RAB38: variants seen among roughly 807,000 people sequenced by gnomAD.
RAB38 encodes the protein ras-related protein Rab-38.
RAB38 carries 15 observed loss-of-function variants against 18.4 expected under a neutral mutation model. That is an observed-to-expected ratio of 0.82 (90% CI 0.55 to 1.26). The LOEUF is 1.26. RAB38 is among the 50% of genes most tolerant of loss of function. RAB38 has a pLI of 0.00. For synonymous variants in RAB38, 101 were observed against 104.4 expected, an observed-to-expected ratio of 0.97 and a Z score of 0.20; for missense variants, 294 against 267.4, an observed-to-expected ratio of 1.10 and a Z score of -0.69.
the RAB38 span, among the ~76,000 whole-genome samples, chr11:88,088,947 C>A: frequency 9.4e-5 from 14 of 148,892 alleles, no homozygotes; most frequent in East Asian, 2.0e-4. Flanking sequence ...CAGGAGCTGA[C>A]AAAAAAAAAA....
the RAB38 span, among the ~76,000 whole-genome samples, chr11:87,959,536 T>C: frequency 6.6e-6 from 1 of 152,236 alleles, no homozygotes; most frequent in Non-Finnish European, 1.5e-5. Flanking sequence ...TATAAGTATC[T>C]ATTTTACTAG....
At chr11:87,941,122 G>A in the RAB38 span, among the ~76,000 whole-genome samples, 1 of 148,296 alleles carries the variant, frequency 6.7e-6, no homozygotes, top group Non-Finnish European at 1.5e-5. Flanking sequence ...AGGTATATTA[G>A]ACGCTAATTA....
the RAB38 span, among the ~76,000 whole-genome samples, chr11:87,811,458 C>A: frequency 1.3e-5 from 2 of 152,186 alleles, no homozygotes; most frequent in African/African-American, 4.8e-5. Flanking sequence ...AATACCTACA[C>A]AATTGGCCTC....
the RAB38 span, among the ~76,000 whole-genome samples, chr11:87,924,706 TTC>T: frequency 6.6e-6 from 1 of 151,968 alleles, no homozygotes; most frequent in Admixed American, 6.6e-5. Flanking sequence ...AACTCTTTTT[TTC>T]CCTTTTACAA....
chr11:87,906,788 G>A, the RAB38 span, among the ~76,000 whole-genome samples: 775 of 151,814 alleles, frequency 5.1e-3, 7 homozygotes, highest in East Asian at 0.058. Flanking sequence ...TTATGGAAAT[G>A]GGAGTATTTT....
the RAB38 span, among the ~76,000 whole-genome samples, chr11:87,959,955 T>C: frequency 0.013 from 1,982 of 152,274 alleles, 28 homozygotes; most frequent in Non-Finnish European, 0.02. Flanking sequence ...ATCACTGTTT[T>C]TTGGGTTTCT....
the RAB38 span, among the ~76,000 whole-genome samples, chr11:87,829,545 A>T: frequency 6.6e-6 from 1 of 152,160 alleles, no homozygotes; most frequent in African/African-American, 2.4e-5. Context: ...TCATAAAACC[A>T]TCGGATCTTG....
the RAB38 span, among the ~76,000 whole-genome samples, chr11:87,819,702 GTATATATATA>G: frequency 6.0e-4 from 2 of 3,360 alleles, no homozygotes; most frequent in East Asian, 0.083. Context: ...GTGTGTGTGT[GTATATATATA>G]TATACGTGTA....
chr11:87,842,529 C>A, the RAB38 span, among the ~76,000 whole-genome samples: 3 of 152,148 alleles, frequency 2.0e-5, no homozygotes, highest in Non-Finnish European at 4.4e-5. Flanking sequence ...TAATTAGTAT[C>A]TGGGAAATTA....
the RAB38 span, among the ~76,000 whole-genome samples, chr11:88,019,644 A>T: frequency 1.3e-5 from 2 of 152,268 alleles, no homozygotes; most frequent in African/African-American, 4.8e-5. Context: ...CTGAACTCAT[A>T]TTCTATCAGC....
At chr11:87,976,977 A>G in the RAB38 span, among the ~76,000 whole-genome samples, 7 of 33,194 alleles carry the variant, frequency 2.1e-4, 3 homozygotes, top group African/African-American at 9.1e-4. Flanking sequence ...AGTATATTAT[A>G]AAATATAATT....
the RAB38 span, among the ~76,000 whole-genome samples, chr11:88,092,734 C>T: frequency 1.8e-4 from 28 of 151,578 alleles, no homozygotes; most frequent in South Asian, 8.3e-4. Flanking sequence ...TATATATTCA[C>T]TTTAGATATG....
At chr11:88,007,899 A>C in the RAB38 span, among the ~76,000 whole-genome samples, 2 of 152,190 alleles carry the variant, frequency 1.3e-5, no homozygotes, top group East Asian at 3.8e-4. Context: ...AATACTACTC[A>C]GCAATACAAA....
At chr11:87,916,949 T>G in the RAB38 span, among the ~76,000 whole-genome samples, 2 of 152,128 alleles carry the variant, frequency 1.3e-5, no homozygotes, top group African/African-American at 4.8e-5. Flanking sequence ...TTTAGTGGAT[T>G]ACTTACAAAT....
At chr11:88,153,265 A>T (rs1943085163) in intron 1 of RAB38, among the ~76,000 whole-genome samples, 1 of 152,194 alleles carries the variant, frequency 6.6e-6, no homozygotes, top group Non-Finnish European at 1.5e-5. Context: ...CCTTAGATTA[A>T]ATCAAACTTT....
At chr11:88,139,478 T>C (rs1212653781) in intron 2 of RAB38, among the ~76,000 whole-genome samples, 1 of 152,198 alleles carries the variant, frequency 6.6e-6, no homozygotes, top group Non-Finnish European at 1.5e-5. Context: ...TAAATATTTG[T>C]TTATTTTGGT....
the RAB38 span, chr11:88,097,848 G>A: frequency 6.6e-6 from 1 of 151,898 alleles, no homozygotes; most frequent in Non-Finnish European, 1.5e-5. Flanking sequence ...TACTATTGCA[G>A]AACCTTAGTT....
the RAB38 span, among the ~76,000 whole-genome samples, chr11:88,021,082 G>A: frequency 6.6e-6 from 1 of 151,820 alleles, no homozygotes; most frequent in Non-Finnish European, 1.5e-5. Context: ...TTAGTAGAAG[G>A]AAATAAATAA....
At chr11:87,971,139 A>T in the RAB38 span, among the ~76,000 whole-genome samples, 1 of 152,006 alleles carries the variant, frequency 6.6e-6, no homozygotes, top group African/African-American at 2.4e-5. Context: ...CCTGATTATC[A>T]GTTTGGTTTT....
Sources: gnomAD v4.1 joint callset for allele counts (sites outside exome capture counted in the v4.1 genomes callset) on GRCh38, gnomAD v4.1.1 for gene constraint, MANE v1.5 for transcripts, NCBI Gene and HGNC (gene_info 2026-07-23, HGNC 2026-07-21) for gene names.